Variants in CHCHD6 observed in about 807,000 individuals in gnomAD.
CHCHD6 encodes coiled-coil-helix-coiled-coil-helix domain containing 6.
Under a neutral mutation model 32.3 loss-of-function variants are expected in CHCHD6, and 28 were observed. The ratio of observed to expected loss-of-function variants is 0.87; its 90% CI spans 0.64 to 1.19. The LOEUF (loss-of-function observed/expected upper bound fraction) is 1.19. Among genes scored for constraint, CHCHD6 ranks in the 50% most tolerant of loss-of-function variants. The pLI, the probability that CHCHD6 is intolerant of heterozygous loss-of-function variation, is 0.00. For synonymous variants in CHCHD6, 122 were observed against 117.5 expected (o/e 1.04, Z -0.25); for missense variants, 333 against 307.0 (o/e 1.08, Z -0.63).
At chr3:126,850,547 G>A (rs1030020743) in intron 4 of CHCHD6, among the ~76,000 whole-genome samples, 7 of 152,176 alleles carry the variant, frequency 4.6e-5, no homozygotes, top group Admixed American at 1.3e-4. Flanking sequence ...AGGAGGCATC[G>A]CAGTGTGTCA....
At chr3:126,878,840 T>C (rs1231932725) in intron 5 of CHCHD6, among the ~76,000 whole-genome samples, 1 of 152,196 alleles carries the variant, frequency 6.6e-6, no homozygotes, top group Admixed American at 6.5e-5. Flanking sequence ...CCTTTGATAA[T>C]AGCATCAGGC....
intron 5 of CHCHD6, among the ~76,000 whole-genome samples, chr3:126,864,783 C>T (rs1439414967): frequency 1.3e-5 from 2 of 149,462 alleles, no homozygotes; most frequent in African/African-American, 5.0e-5. Flanking sequence ...CCTCCTCCAC[C>T]ATCACCTCCT....
At chr3:126,771,693 G>A (rs1052352877) in intron 4 of CHCHD6, among the ~76,000 whole-genome samples, 1 of 151,992 alleles carries the variant, frequency 6.6e-6, no homozygotes, top group Non-Finnish European at 1.5e-5. Context: ...GGGCTATTTT[G>A]CTCTTGCTTC....
At chr3:126,710,745 A>G (rs1018752341) in intron 1 of CHCHD6, among the ~76,000 whole-genome samples, 27 of 152,188 alleles carry the variant, frequency 1.8e-4, no homozygotes, top group Non-Finnish European at 8.8e-5. Flanking sequence ...TTGCTAATGT[A>G]TAGAAATATA....
intron 4 of CHCHD6, among the ~76,000 whole-genome samples, chr3:126,733,955 G>A (rs1273607592): frequency 6.6e-6 from 1 of 152,204 alleles, no homozygotes; most frequent in East Asian, 1.9e-4. Flanking sequence ...GCCATCCACA[G>A]TGTGCCAGTG....
intron 4 of CHCHD6, among the ~76,000 whole-genome samples, chr3:126,840,439 C>T (rs1489611555): frequency 1.3e-5 from 2 of 152,110 alleles, no homozygotes; most frequent in African/African-American, 4.8e-5. Flanking sequence ...AGAACTCTGA[C>T]AGTTATTAAT....
chr3:126,863,176 A>C (rs1576516195), intron 5 of CHCHD6, among the ~76,000 whole-genome samples: 1 of 109,284 alleles, frequency 9.2e-6, no homozygotes, highest in Non-Finnish European at 1.9e-5. Context: ...CACCATCACC[A>C]CCTCCCCCTC....
intron 6 of CHCHD6, among the ~76,000 whole-genome samples, chr3:126,923,943 C>A (rs1008534755): frequency 3.3e-5 from 5 of 152,170 alleles, no homozygotes; most frequent in African/African-American, 1.2e-4. Context: ...ACATAGGAGC[C>A]CACAGCTCTC....
chr3:126,708,539 T>G lies in CHCHD6; in HGVS notation c.87+4140T>G, dbSNP rs376430515. 2.4e-4 allele frequency among the ~76,000 whole-genome samples: 36 copies of G among 151,710 alleles called. No homozygotes were observed. In the East Asian group the frequency reaches 3.9e-3, roughly 16 times the overall value. On this transcript the variant is annotated intron_variant, in intron 1 of 7. Transcript: ENST00000290913. ...CTTTAAAAACAAAAACCAACAGTTGTAAGCCAGGTGCAGTGGTATGTACCT... is the reference window on the plus strand; with the variant it reads ...CTTTAAAAACAAAAACCAACAGTTGGAAGCCAGGTGCAGTGGTATGTACCT...
rs117249374 is a variant in CHCHD6 at position 126,827,811 on chromosome 3, G to A, written c.412-24836G>A. On this transcript the variant is annotated intron_variant, in intron 4 of 7. Coordinates refer to ENST00000290913, the MANE Select transcript of CHCHD6 (RefSeq NM_032343.3). ...TTCATCCCAGCAAGGTGGGGCAGGG[G>A]TGGAGTGGAGGGAGGCTGCAGAAAA... Among the ~76,000 whole-genome samples, 834 of 152,300 alleles carry A rather than the reference G, an allele frequency of 5.5e-3. 30 individuals are homozygous for A. In the East Asian group the frequency reaches 0.08, roughly 15 times the overall value.
rs369745025 is a variant in CHCHD6, at chr3:126,833,978, C to T, written c.412-18669C>T. Among the ~76,000 whole-genome samples the T allele has an allele frequency of 2.3e-3, 314 of 135,120 alleles. 1 individual carries two copies. Among genetic ancestry groups the T allele is most frequent in the African/African-American group, 8.7e-3 (302 of 34,812 alleles). 88.6% of individuals were successfully genotyped at this position (135,120 alleles called of 152,430 possible). A position where few individuals can be genotyped will look rare whatever the true frequency, so the allele number is the denominator to read the frequency against. On this transcript the variant is annotated intron_variant, in intron 4 of 7. Transcript: ENST00000290913. ...CTGAGGCAGGAGAATGGCGTGAACCCGGGAGGCGGAGCTTGCAGTGAGCCG... is the reference window on the plus strand; with the variant it reads ...CTGAGGCAGGAGAATGGCGTGAACCTGGGAGGCGGAGCTTGCAGTGAGCCG...
At chr3:126,807,075 C>T (rs1939425589) in intron 4 of CHCHD6, among the ~76,000 whole-genome samples, 1 of 149,280 alleles carries the variant, frequency 6.7e-6, no homozygotes, top group Admixed American at 6.7e-5. Flanking sequence ...GGAGGGATAG[C>T]ATTAGGCGAT....
chr3:126,791,302 C>G (rs1938528478), intron 4 of CHCHD6, among the ~76,000 whole-genome samples: 1 of 152,138 alleles, frequency 6.6e-6, no homozygotes, highest in Admixed American at 6.5e-5. Context: ...TCTGTCCATT[C>G]TCAGATCTCA....
At chr3:126,904,181 A>G (rs2077972755) in intron 5 of CHCHD6, among the ~76,000 whole-genome samples, 1 of 152,188 alleles carries the variant, frequency 6.6e-6, no homozygotes, top group African/African-American at 2.4e-5. Context: ...GGACAGTGTT[A>G]CAGAGCTGCC....
At chr3:126,863,085 C>T (rs1424141070) in intron 5 of CHCHD6, among the ~76,000 whole-genome samples, 1 of 69,920 alleles carries the variant, frequency 1.4e-5, no homozygotes, top group Non-Finnish European at 2.8e-5. Flanking sequence ...CCTCCTCCTC[C>T]TCCTCCACCA....
intron 5 of CHCHD6, among the ~76,000 whole-genome samples, chr3:126,856,934 A>T (rs899481177): frequency 2.4e-4 from 37 of 152,226 alleles, no homozygotes; most frequent in African/African-American, 8.7e-4. Context: ...TGAAATGGGG[A>T]TTTAGGACTA....
chr3:126,831,277 G>A (rs554469376), intron 4 of CHCHD6, among the ~76,000 whole-genome samples: 51 of 151,996 alleles, frequency 3.4e-4, no homozygotes, highest in Non-Finnish European at 4.7e-4. Context: ...CGCCCACCTC[G>A]GCCTCCCAAA....
chr3:126,851,354 G>A (rs988214254), intron 4 of CHCHD6, among the ~76,000 whole-genome samples: 4 of 152,348 alleles, frequency 2.6e-5, no homozygotes, highest in Admixed American at 2.6e-4. Flanking sequence ...TCAAACCCAT[G>A]TGCTGATACC....
chr3:126,875,596 G>T (rs978115057), intron 5 of CHCHD6, among the ~76,000 whole-genome samples: 1 of 152,208 alleles, frequency 6.6e-6, no homozygotes, highest in Admixed American at 6.5e-5. Flanking sequence ...GACTCCCGAG[G>T]CTTCTGGTGA....
Sources: gnomAD v4.1 joint callset for allele counts (sites outside exome capture counted in the v4.1 genomes callset) on GRCh38, gnomAD v4.1.1 for gene constraint, MANE v1.5 for transcripts, NCBI Gene and HGNC (gene_info 2026-07-23, HGNC 2026-07-21) for gene names.